The following SLC25A21 variants were observed in gnomAD, a reference collection of about 807,000 sequenced individuals.
SLC25A21 encodes solute carrier family 25 member 21, also known as mitochondrial 2-oxodicarboxylate carrier.
Under a neutral mutation model 43.8 loss-of-function variants are expected in SLC25A21, and 47 were observed. The ratio of observed to expected loss-of-function variants is 1.07; its 90% CI spans 0.85 to 1.37. The LOEUF is 1.37. Ranked by LOEUF, SLC25A21 falls within the 40% of genes most tolerant of loss-of-function variation. The pLI is 0.00. For synonymous variants in SLC25A21, 131 were observed against 121.3 expected (o/e 1.08, Z -0.52); for missense variants, 352 against 350.2 (o/e 1.00, Z -0.04).
intron 1 of SLC25A21, among the ~76,000 whole-genome samples, chr14:37,108,842 T>G: frequency 6.6e-6 from 1 of 151,936 alleles, no homozygotes; most frequent in East Asian, 1.9e-4. Flanking sequence ...ATAAATATAT[T>G]ATATTCTTTT....
At chr14:37,092,298 T>C (rs565115608) in intron 1 of SLC25A21, among the ~76,000 whole-genome samples, 1 of 152,324 alleles carries the variant, frequency 6.6e-6, no homozygotes, top group South Asian at 2.1e-4. Flanking sequence ...TAATGGCACC[T>C]ATAGCTACTG....
chr14:37,053,732 G>A (rs1268976298), intron 1 of SLC25A21, among the ~76,000 whole-genome samples: 1 of 152,116 alleles, frequency 6.6e-6, no homozygotes, highest in Non-Finnish European at 1.5e-5. Flanking sequence ...GCTACTGAAT[G>A]CTATTAGGTA....
intron 1 of SLC25A21, among the ~76,000 whole-genome samples, chr14:36,985,666 C>T (rs1338571584): frequency 1.3e-5 from 2 of 152,098 alleles, no homozygotes; most frequent in African/African-American, 2.4e-5. Context: ...GTCAAATGTT[C>T]GCATACATTG....
intron 1 of SLC25A21, among the ~76,000 whole-genome samples, chr14:37,001,604 C>CT (rs1404034842): frequency 3.3e-5 from 5 of 151,972 alleles, no homozygotes; most frequent in African/African-American, 9.7e-5. Context: ...TCCTTCTTTC[C>CT]TTTTTTTCAT....
chr14:37,159,499 T>C (rs1963904041), intron 1 of SLC25A21, among the ~76,000 whole-genome samples: 1 of 152,082 alleles, frequency 6.6e-6, no homozygotes, highest in Non-Finnish European at 1.5e-5. Flanking sequence ...CTTCAAAAAA[T>C]GGTACTAGGA....
chr14:37,139,515 T>C (rs1463336124), intron 1 of SLC25A21, among the ~76,000 whole-genome samples: 2 of 152,138 alleles, frequency 1.3e-5, no homozygotes, highest in Non-Finnish European at 2.9e-5. Context: ...TATCCCTCCA[T>C]ATATTTTCAA....
chr14:37,148,080 G>A (rs1433116459), intron 1 of SLC25A21, among the ~76,000 whole-genome samples: 5 of 151,588 alleles, frequency 3.3e-5, no homozygotes, highest in East Asian at 3.9e-4. Flanking sequence ...TCAAGTGATC[G>A]GTCTACCTGG....
At chr14:37,100,028 ATGTTTGTTTGTTTGTT>A (rs71449968) in intron 1 of SLC25A21, among the ~76,000 whole-genome samples, 5 of 147,318 alleles carry the variant, frequency 3.4e-5, no homozygotes, top group East Asian at 2.0e-4. Flanking sequence ...CACCACCTCT[ATGTTTGTTTGTTTGTT>A]TGTTTGTTTG....
At chr14:37,093,342 T>A (rs1388695071) in intron 1 of SLC25A21, among the ~76,000 whole-genome samples, 1 of 152,230 alleles carries the variant, frequency 6.6e-6, no homozygotes, top group South Asian at 2.1e-4. Context: ...TTCTTTAGTA[T>A]CCTTAACTCC....
chr14:36,739,383 A>G (rs1177316129), intron 3 of SLC25A21, among the ~76,000 whole-genome samples: 1 of 152,206 alleles, frequency 6.6e-6, no homozygotes, highest in East Asian at 1.9e-4. Context: ...TGCCCTTAAG[A>G]GGCACACCAG....
intron 3 of SLC25A21, among the ~76,000 whole-genome samples, chr14:36,800,544 A>G (rs1887835538): frequency 6.6e-6 from 1 of 152,138 alleles, no homozygotes; most frequent in East Asian, 1.9e-4. Flanking sequence ...AAACTCATGG[A>G]GACTGAACAT....
At chr14:37,154,084 A>G (rs568528911) in intron 1 of SLC25A21, among the ~76,000 whole-genome samples, 3 of 152,272 alleles carry the variant, frequency 2.0e-5, no homozygotes, top group African/African-American at 7.2e-5. Context: ...GACCTCTAGT[A>G]ACCACAAGTA....
At chr14:36,974,720 T>C (rs1311883466) in intron 1 of SLC25A21, among the ~76,000 whole-genome samples, 1 of 152,110 alleles carries the variant, frequency 6.6e-6, no homozygotes, top group Non-Finnish European at 1.5e-5. Flanking sequence ...CAAAAAGCTA[T>C]AATATATATG....
chr14:37,081,902 GA>G (rs1351379500), intron 1 of SLC25A21, among the ~76,000 whole-genome samples: 1 of 152,032 alleles, frequency 6.6e-6, no homozygotes, highest in African/African-American at 2.4e-5. Context: ...AACAAGCTAG[GA>G]AACTATAATA....
At chr14:36,805,833 G>A (rs2138428575) in intron 3 of SLC25A21, among the ~76,000 whole-genome samples, 2 of 152,250 alleles carry the variant, frequency 1.3e-5, no homozygotes, top group South Asian at 4.1e-4. Context: ...ATATGTGGAA[G>A]CTAAAAAAGT....
At chr14:36,767,143 A>C (rs1886445893) in intron 3 of SLC25A21, among the ~76,000 whole-genome samples, 1 of 152,174 alleles carries the variant, frequency 6.6e-6, no homozygotes, top group African/African-American at 2.4e-5. Context: ...TGTGCTTGTT[A>C]ATTTTCTAGC....
chr14:36,754,809 T>C (rs1277982605), intron 3 of SLC25A21, among the ~76,000 whole-genome samples: 1 of 152,226 alleles, frequency 6.6e-6, no homozygotes, highest in Admixed American at 6.5e-5. Flanking sequence ...ATTTATCTAC[T>C]TGTACTTTGT....
At chr14:37,049,947 T>C (rs937704686) in intron 1 of SLC25A21, among the ~76,000 whole-genome samples, 3 of 152,226 alleles carry the variant, frequency 2.0e-5, no homozygotes, top group Non-Finnish European at 2.9e-5. Flanking sequence ...GGCTACTATA[T>C]TGGACAGTAC....
At chr14:36,696,059 C>A (rs530045367) in intron 7 of SLC25A21, among the ~76,000 whole-genome samples, 3 of 152,116 alleles carry the variant, frequency 2.0e-5, no homozygotes, top group East Asian at 1.9e-4. Flanking sequence ...ATAAATAGTT[C>A]TTATTATTTT....
Sources: allele counts gnomAD v4.1 joint callset (sites outside exome capture counted in the v4.1 genomes callset), GRCh38; gene constraint gnomAD v4.1.1; transcripts MANE v1.5; gene names NCBI Gene and HGNC (gene_info 2026-07-23, HGNC 2026-07-21).